Variants in DNAJC27 observed in about 807,000 individuals in gnomAD.
DNAJC27 encodes dnaJ homolog subfamily C member 27.
DNAJC27 carries 25 observed loss-of-function variants against 31.4 expected under a neutral mutation model. The ratio of observed to expected loss-of-function variants is 0.80; its 90% CI spans 0.58 to 1.11. The LOEUF (loss-of-function observed/expected upper bound fraction) is 1.11. DNAJC27 is among the 50% of genes most tolerant of loss of function. DNAJC27 has a pLI of 0.00. For missense variants in DNAJC27, 356 were observed against 347.3 expected, an observed-to-expected ratio of 1.02 and a Z score of -0.20; for synonymous variants, 106 against 112.7, an observed-to-expected ratio of 0.94 and a Z score of 0.37.
chr2:24,971,730 C>G lies in DNAJC27; in HGVS notation c.87+88G>C, dbSNP rs1456898038. The G allele has an allele frequency of 4.9e-6, 6 of 1,213,368 alleles. No homozygotes were observed. In the African/African-American group the frequency reaches 9.3e-5, roughly 19 times the overall value. The allele number at this position is 1,213,368 out of a possible 1,614,324, so 75.2% of individuals were successfully genotyped here. On this transcript the variant is annotated intron_variant, in intron 1 of 6. Transcript: ENST00000264711. The stretch of plus-strand genomic sequence containing the variant: ...CTCGGGGGCGGAGAGGAGGCCGGGC[C>G]CCAGGCTGTTGAGTGGCCGCCCTTC...
At chr2:24,971,135 G>C (rs1573122114) in intron 1 of DNAJC27, among the ~76,000 whole-genome samples, 1 of 152,166 alleles carries the variant, frequency 6.6e-6, no homozygotes, top group Non-Finnish European at 1.5e-5. Context: ...ATTCATAAGG[G>C]AAAAGGCCTC....
At chr2:24,948,292 T>C (rs1373822330) in intron 6 of DNAJC27, among the ~76,000 whole-genome samples, 3 of 152,184 alleles carry the variant, frequency 2.0e-5, no homozygotes, top group African/African-American at 7.2e-5. Flanking sequence ...CAGGAGGTTG[T>C]TACATAACCC....
At chr2:24,954,363 G>A (rs961933226) in intron 5 of DNAJC27, among the ~76,000 whole-genome samples, 4 of 152,070 alleles carry the variant, frequency 2.6e-5, no homozygotes, top group African/African-American at 9.7e-5. Context: ...CTCATTAATT[G>A]CCCCACCATC....
intron 6 of DNAJC27, among the ~76,000 whole-genome samples, chr2:24,948,303 A>G (rs2149119745): frequency 6.6e-6 from 1 of 152,314 alleles, no homozygotes; most frequent in Middle Eastern, 3.4e-3. Context: ...TACATAACCC[A>G]GGCATGAGTG....
intron 3 of DNAJC27, chr2:24,958,557 A>G (rs749419758): frequency 4.5e-5 from 19 of 418,306 alleles, no homozygotes; most frequent in Non-Finnish European, 9.5e-5. Flanking sequence ...TAGTTTTGTG[A>G]TCTTGGGCAA....
At chr2:24,968,566 C>T (rs1163114192) in intron 1 of DNAJC27, among the ~76,000 whole-genome samples, 2 of 151,618 alleles carry the variant, frequency 1.3e-5, no homozygotes, top group Middle Eastern at 3.4e-3. Context: ...AGGATGGTCT[C>T]GATCTGACCC....
At chr2:24,949,364 A>G (rs955856) in intron 6 of DNAJC27, among the ~76,000 whole-genome samples, 15,437 of 152,222 alleles carry the variant, frequency 0.1, 952 homozygotes, top group East Asian at 0.25. Flanking sequence ...GCCTCCCCAG[A>G]GAGGGTGTCC....
chr2:24,960,564 A>G (rs1666015153), intron 3 of DNAJC27, among the ~76,000 whole-genome samples: 2 of 152,242 alleles, frequency 1.3e-5, no homozygotes, highest in South Asian at 4.1e-4. Context: ...CAGCTAGCCA[A>G]GTTATGAATG....
At chr2:24,956,455 G>A (rs1022725565) in intron 5 of DNAJC27, among the ~76,000 whole-genome samples, 2 of 152,138 alleles carry the variant, frequency 1.3e-5, no homozygotes, top group East Asian at 3.9e-4. Flanking sequence ...CTTGATTGGC[G>A]AGGCCTTATT....
intron 2 of DNAJC27, among the ~76,000 whole-genome samples, chr2:24,963,964 TG>T (rs1246232227): frequency 1.1e-4 from 16 of 152,234 alleles, no homozygotes; most frequent in African/African-American, 3.1e-4. Context: ...AGAGCAATAG[TG>T]AATTTGTTTT....
At chr2:24,963,311 A>G in intron 3 of DNAJC27, 94 bp downstream of exon 3, 1 of 960,656 alleles carries the variant, frequency 1.0e-6, no homozygotes, top group South Asian at 1.7e-5. Flanking sequence ...AATTTTACAC[A>G]TGATATCAAT....
At chr2:24,953,686 T>C (rs768491050) in intron 5 of DNAJC27, 8 of 223,662 alleles carry the variant, frequency 3.6e-5, no homozygotes, top group Non-Finnish European at 5.2e-5. Flanking sequence ...GGATGTTTGC[T>C]AGTTGTGTAT....
chr2:24,967,521 C>T (rs990328416), intron 1 of DNAJC27, among the ~76,000 whole-genome samples: 2 of 151,908 alleles, frequency 1.3e-5, no homozygotes, highest in Admixed American at 1.3e-4. Context: ...GCCAACATGG[C>T]GAAACCCCGT....
chr2:24,958,208 G>A (rs1005802914), intron 3 of DNAJC27, among the ~76,000 whole-genome samples: 3 of 151,932 alleles, frequency 2.0e-5, no homozygotes, highest in East Asian at 1.9e-4. Context: ...GCCCCACCCC[G>A]TCCCACCTCC....
In DNAJC27 at chr2:24,971,952, C is replaced by A; in HGVS notation, c.-48G>T. The A allele has an allele frequency of 7.0e-7, 1 of 1,423,142 alleles. No homozygotes were observed. 88.2% of individuals were successfully genotyped at this position (1,423,142 alleles called of 1,614,324 possible). On this transcript the variant is annotated 5_prime_UTR_variant, in exon 1 of 7. Coordinates refer to ENST00000264711, the MANE Select transcript of DNAJC27 (RefSeq NM_016544.3). ...CCCGCCTCGGTCTCTTCTTGTGCAC[C>A]GCTGGCCCGTCCCTCAGGCCTCCTC... is the stretch of plus-strand genomic sequence containing the variant.
chr2:24,960,787 C>T (rs866117297), intron 3 of DNAJC27, among the ~76,000 whole-genome samples: 4 of 152,228 alleles, frequency 2.6e-5, no homozygotes, highest in Non-Finnish European at 2.9e-5. Context: ...GATGAGGAAG[C>T]TGCAGAGGAA....
chr2:24,946,193 A>C lies in DNAJC27; in HGVS notation c.*1423T>G, dbSNP rs1665648163. On this transcript the variant is annotated 3_prime_UTR_variant, in exon 7 of 7. Coordinates refer to ENST00000264711, the MANE Select transcript of DNAJC27 (RefSeq NM_016544.3). The stretch of plus-strand genomic sequence containing the variant: ...ATCAAGGAGGAGACTGTGGTCAGAG[A>C]ATGTATTTTGTAAGCTATAGTTTAA... 1 of 152,194 alleles carries C rather than the reference A, an allele frequency of 6.6e-6. No individual in the cohort carries two copies. The highest frequency in any genetic ancestry group is 1.5e-5 in the Non-Finnish European group (1 of 68,030). 9.4% of individuals were successfully genotyped at this position (152,194 alleles called of 1,614,324 possible).
chr2:24,963,313 G>C, intron 3 of DNAJC27, 92 bp downstream of exon 3: 1 of 976,576 alleles, frequency 1.0e-6, no homozygotes, highest in Non-Finnish European at 1.6e-6. Context: ...TTTTACACAT[G>C]ATATCAATAT....
chr2:24,960,709 TTC>T (rs1381545832), intron 3 of DNAJC27, among the ~76,000 whole-genome samples: 1 of 152,242 alleles, frequency 6.6e-6, no homozygotes, highest in Non-Finnish European at 1.5e-5. Context: ...AGCCACAACC[TTC>T]TCTTAAGCCA....
Sources: allele counts gnomAD v4.1 joint callset (sites outside exome capture counted in the v4.1 genomes callset), GRCh38; gene constraint gnomAD v4.1.1; transcripts MANE v1.5; gene names NCBI Gene and HGNC (gene_info 2026-07-23, HGNC 2026-07-21).